The following SLF1 variants were observed in gnomAD, a reference collection of about 807,000 sequenced individuals.
The protein encoded by SLF1 is SMC5/6 complex localization factor 1, also known as SMC5-SMC6 complex localization factor protein 1.
A neutral mutation model predicts 123.0 loss-of-function variants in SLF1; 105 were observed. The ratio of observed to expected loss-of-function variants is 0.85; its 90% CI spans 0.73 to 1.00. The LOEUF is 1.00. Ranked by LOEUF, SLF1 falls within the 50% of genes least tolerant of loss-of-function variation. SLF1 has a pLI of 0.00. For missense variants in SLF1, 1,239 were observed against 1,223.0 expected (o/e 1.01, Z -0.20); for synonymous variants, 434 against 406.6 (o/e 1.07, Z -0.81).
At chr5:94,691,856 A>G (rs541440801) in intron 19 of SLF1, among the ~76,000 whole-genome samples, 200 bp downstream of exon 19, 38 of 152,222 alleles carry the variant, frequency 2.5e-4, no homozygotes, top group Non-Finnish European at 4.3e-4. Context: ...TTTGGTGTCC[A>G]TATTTTGATA....
At chr5:94,640,197 GATTT>G (rs1463122461) in intron 4 of SLF1, among the ~76,000 whole-genome samples, 2 of 152,058 alleles carry the variant, frequency 1.3e-5, no homozygotes, top group Admixed American at 6.6e-5. Context: ...TGCTGGTAAT[GATTT>G]ATCTCATTTT....
At position 94,649,462 on chromosome 5, in the gene SLF1, T is replaced by C. The variant is rs750170451; in HGVS notation, c.603T>C (p.Ile201=). 2.7e-6 allele frequency: 4 copies of C among 1,494,250 alleles called. No individual in the cohort carries two copies. In the African/African-American group the frequency reaches 4.2e-5, roughly 16 times the overall value. The allele number at this position is 1,494,250 out of a possible 1,614,324, so 92.6% of individuals were successfully genotyped here. The change falls in exon 6 of 21, where the codon ATT becomes ATC. Residue 201 remains isoleucine (I), a synonymous_variant. Transcript: ENST00000265140. ...YLGDFLLEKE[I]QNDEDSQTNS... ...TTTTTACATACATACAGAAAGAAATTCAGAATGATGAAGATTCCCAAACCA... is the reference window on the plus strand; with the variant it reads ...TTTTTACATACATACAGAAAGAAATCCAGAATGATGAAGATTCCCAAACCA...
In SLF1 at chr5:94,628,875, C is replaced by A. The variant is rs1336020758; in HGVS notation, c.65C>A (p.Ala22Glu). The change falls in exon 2 of 21, where the codon GCG becomes GAG. Residue 22 changes from alanine (A) to glutamate (E), a missense_variant. Transcript: ENST00000265140. ...GGATTTAAGATGGAAGAAAAAGAAGCGCTAGTCAAATTACTTTTAAAACTA... is the reference window on the plus strand; with the variant it reads ...GGATTTAAGATGGAAGAAAAAGAAGAGCTAGTCAAATTACTTTTAAAACTA... ...MTGFKMEEKE[A>E]LVKLLLKLDC... 1.9e-6 allele frequency: 3 copies of A among 1,549,652 alleles called. No homozygotes were observed. The highest frequency in any genetic ancestry group is 2.6e-6 in the Non-Finnish European group (3 of 1,146,238).
At chr5:94,664,076 C>T (rs1275837989) in intron 11 of SLF1, among the ~76,000 whole-genome samples, 168 bp downstream of exon 11, 13 of 152,052 alleles carry the variant, frequency 8.5e-5, no homozygotes, top group Admixed American at 8.5e-4. Context: ...TTTCCAGCTA[C>T]ATACTAGGTA....
intron 9 of SLF1, among the ~76,000 whole-genome samples, chr5:94,658,542 T>G (rs1748704942): frequency 6.6e-6 from 1 of 152,068 alleles, no homozygotes; most frequent in South Asian, 2.1e-4. Flanking sequence ...TCACCCTGAT[T>G]GGGATTTCCT....
chr5:94,651,159 A>C (rs984288147), intron 6 of SLF1, among the ~76,000 whole-genome samples: 3 of 152,182 alleles, frequency 2.0e-5, no homozygotes, highest in African/African-American at 7.2e-5. Flanking sequence ...GTAACATGTC[A>C]TAAAGATTTG....
chr5:94,639,976 A>G (rs562856841), intron 4 of SLF1, among the ~76,000 whole-genome samples: 1 of 152,320 alleles, frequency 6.6e-6, no homozygotes, highest in African/African-American at 2.4e-5. Context: ...ACCTCTGTGT[A>G]TTATAAACTT....
At chr5:94,664,912 C>G (rs1749567049) in intron 11 of SLF1, among the ~76,000 whole-genome samples, 1 of 152,138 alleles carries the variant, frequency 6.6e-6, no homozygotes, top group South Asian at 2.1e-4. Flanking sequence ...AGTCAGCCCT[C>G]CACATACGAA....
rs1753563562 is a variant in SLF1, at chr5:94,697,375, AATCT to A, written c.*2068_*2071del. The A allele has an allele frequency of 6.6e-6, 1 of 151,884 alleles. No individual in the cohort carries two copies. The highest frequency in any genetic ancestry group is 2.4e-5 in the African/African-American group (1 of 41,410). 9.4% of individuals were successfully genotyped at this position (151,884 alleles called of 1,614,324 possible). The stretch of plus-strand genomic sequence containing the variant: ...AATAATTGCCTTGAATAATTGCCCA[AATCT>A]ATCTTGGAGGTATAGGAAGAAGAAA... On this transcript the variant is annotated 3_prime_UTR_variant, in exon 21 of 21. Transcript: ENST00000265140.
chr5:94,624,288 A>G (rs961253157), intron 1 of SLF1, among the ~76,000 whole-genome samples: 1 of 152,318 alleles, frequency 6.6e-6, no homozygotes, highest in Non-Finnish European at 1.5e-5. Context: ...CAAAGGAAAT[A>G]AATTGCTTTA....
rs890214450 is a variant in SLF1 at position 94,635,797 on chromosome 5, C to G, written c.431+5054C>G. Among the ~76,000 whole-genome samples the G allele has an allele frequency of 2.0e-5, 3 of 152,166 alleles. No homozygotes were observed. The South Asian group carries it at 6.2e-4, about 32-fold the overall frequency. Reference sequence around the variant, plus strand: ...GCTATGGTTCTTTTGATAGATTTGTCTATTAACCACTGCACTAGAGATAAA... The same window carrying G: ...GCTATGGTTCTTTTGATAGATTTGTGTATTAACCACTGCACTAGAGATAAA... On this transcript the variant is annotated intron_variant, in intron 4 of 20. Coordinates refer to ENST00000265140, the MANE Select transcript of SLF1 (RefSeq NM_032290.4).
intron 4 of SLF1, among the ~76,000 whole-genome samples, chr5:94,637,711 A>G (rs573709077): frequency 1.3e-5 from 2 of 152,160 alleles, no homozygotes; most frequent in South Asian, 2.1e-4. Flanking sequence ...AATGAAGTAC[A>G]CTGTGGTTAG....
chr5:94,664,446 C>G (rs1749515994), intron 11 of SLF1, among the ~76,000 whole-genome samples: 1 of 152,176 alleles, frequency 6.6e-6, no homozygotes, highest in Non-Finnish European at 1.5e-5. Context: ...AGGCGCATGC[C>G]ACCATGCCTG....
intron 8 of SLF1, among the ~76,000 whole-genome samples, chr5:94,653,962 C>G (rs72773533): frequency 0.22 from 33,793 of 151,714 alleles, 3,883 homozygotes; most frequent in East Asian, 0.34. Flanking sequence ...TTGAGCTCTG[C>G]AGTTGGAGAC....
rs770960055 is a variant in SLF1, at chr5:94,678,879, T to C, written c.1899T>C (p.Leu633=). The C allele has an allele frequency of 9.9e-6, 16 of 1,613,828 alleles. No individual in the cohort carries two copies. In the African/African-American group the frequency reaches 1.3e-4, roughly 13 times the overall value. Residue 633 remains leucine, a synonymous_variant, in exon 15 of 21, where the codon CTT becomes CTC. Coordinates refer to ENST00000265140, the MANE Select transcript of SLF1 (RefSeq NM_032290.4). ...CAGCAATAGATTATTGGATTTTCCT[T>C]GGTCTTAAGATGGGTAGAAATGTGA... The part of the protein sequence containing the change: ...LGAAIDYWIF[L]GLKMGRNVMR...
chr5:94,686,756 G>A (rs769305958), intron 16 of SLF1, 38 bp downstream of exon 16: 13 of 1,561,752 alleles, frequency 8.3e-6, no homozygotes, highest in Non-Finnish European at 1.0e-5. Flanking sequence ...ACATTTTCAA[G>A]AAGTGAGTTC....
chr5:94,623,996 T>C (rs1354505205), intron 1 of SLF1, among the ~76,000 whole-genome samples: 2 of 152,204 alleles, frequency 1.3e-5, no homozygotes, highest in East Asian at 1.9e-4. Flanking sequence ...AAATGTATTA[T>C]AAACTGTTGT....
At chr5:94,662,033 G>C (rs1749183747) in intron 9 of SLF1, among the ~76,000 whole-genome samples, 1 of 151,946 alleles carries the variant, frequency 6.6e-6, no homozygotes, top group Non-Finnish European at 1.5e-5. Flanking sequence ...ACGACACTAA[G>C]GACAATGGAC....
chr5:94,649,835 C>G (rs1269752208), intron 6 of SLF1, among the ~76,000 whole-genome samples: 2 of 152,024 alleles, frequency 1.3e-5, no homozygotes, highest in Admixed American at 1.3e-4. Flanking sequence ...AGTGCGTTCT[C>G]AACACATGGT....
Sources: allele counts gnomAD v4.1 joint callset (sites outside exome capture counted in the v4.1 genomes callset), GRCh38; gene constraint gnomAD v4.1.1; transcripts MANE v1.5; gene names NCBI Gene and HGNC (gene_info 2026-07-23, HGNC 2026-07-21).